DIP2A: variants seen among roughly 807,000 people sequenced by gnomAD.
DIP2A encodes DIP2 acetate--CoA ligase A, also known as disco-interacting protein 2 homolog A.
DIP2A carries 85 observed loss-of-function variants against 177.4 expected under a neutral mutation model. The observed-to-expected ratio is 0.48, with a 90% confidence interval of 0.40 to 0.57. The LOEUF is 0.57. DIP2A is among the 20% of genes least tolerant of loss of function. The pLI is 0.00. For missense variants in DIP2A, 1,791 were observed against 2,100.2 expected, an observed-to-expected ratio of 0.85 and a Z score of 2.88; for synonymous variants, 886 against 881.8, an observed-to-expected ratio of 1.00 and a Z score of -0.08.
At position 46,538,581 on chromosome 21, in the gene DIP2A, G is replaced by T. The variant is rs1381668444; in HGVS notation, c.1900G>T (p.Val634Leu). The T allele has an allele frequency of 1.3e-6, 2 of 1,556,094 alleles. No individual in the cohort carries two copies. The highest frequency in any genetic ancestry group is 1.7e-6 in the Non-Finnish European group (2 of 1,151,724). The change falls in exon 16 of 38, where the codon GTG (valine) becomes TTG (leucine). Residue 634 changes from valine (V) to leucine (L), a missense_variant. By Grantham distance (32) the Val-to-Leu change is conservative. Transcript: ENST00000417564. ...CCTCAGCTCACTGCGCATGCTGATT[G>T]TGGCCGATGGTGCCAACCCGTGTGA... is the stretch of plus-strand genomic sequence containing the variant. ...VSLSSLRMLI[V>L]ADGANPWSIS...
chr21:46,499,488 G>A (rs2057537376), intron 5 of DIP2A, among the ~76,000 whole-genome samples: 1 of 152,156 alleles, frequency 6.6e-6, no homozygotes, highest in Non-Finnish European at 1.5e-5. Context: ...GTACCTGGCT[G>A]GAATTCTGAG....
chr21:46,518,167 C>T (rs987833104), intron 8 of DIP2A, among the ~76,000 whole-genome samples: 12 of 152,228 alleles, frequency 7.9e-5, no homozygotes, highest in African/African-American at 2.4e-4. Context: ...TGCTGGAATA[C>T]ATGGGCTGTA....
In DIP2A at chr21:46,530,783, G is replaced by A. The variant is rs189329163; in HGVS notation, c.1195-1344G>A. Among the ~76,000 whole-genome samples, 9 of 152,226 alleles carry A rather than the reference G, an allele frequency of 5.9e-5. No individual in the cohort carries two copies. In the East Asian group the frequency reaches 1.2e-3, roughly 20 times the overall value. The stretch of plus-strand genomic sequence containing the variant: ...GCATGCCCATAATATTGCATAATAC[G>A]AGGGGTACAGAAAAGAATCCCAGAG... On this transcript the variant is annotated intron_variant, in intron 9 of 37. Transcript: ENST00000417564.
intron 20 of DIP2A, 131 bp downstream of exon 20, chr21:46,546,092 T>C: frequency 6.6e-7 from 1 of 1,515,616 alleles, no homozygotes; most frequent in Non-Finnish European, 8.9e-7. Flanking sequence ...TCGGTGGCGC[T>C]GACCTCCCTG....
intron 28 of DIP2A, 99 bp from the exon 29 acceptor site, chr21:46,555,883 C>G: frequency 1.1e-6 from 1 of 915,270 alleles, no homozygotes; most frequent in Non-Finnish European, 1.8e-6. Flanking sequence ...CTGCAGGACT[C>G]CCAAGGACAA....
intron 21 of DIP2A, among the ~76,000 whole-genome samples, chr21:46,547,870 A>G (rs1340145929): frequency 6.6e-6 from 1 of 151,714 alleles, no homozygotes; most frequent in East Asian, 1.9e-4. Flanking sequence ...GGGTCTCACT[A>G]TGTTGCTCAA....
chr21:46,529,071 A>T, intron 8 of DIP2A, 21 bp from the exon 9 acceptor site: 1 of 1,389,322 alleles, frequency 7.2e-7, no homozygotes, highest in Non-Finnish European at 9.7e-7. Context: ...TACATTGCTT[A>T]GTATTTTTAT....
intron 1 of DIP2A, chr21:46,462,864 AT>A (rs2054442908): frequency 6.6e-6 from 1 of 152,216 alleles, no homozygotes; most frequent in Non-Finnish European, 1.5e-5. Context: ...ACCTGGCCTT[AT>A]TCTCCAGCAT....
intron 1 of DIP2A, among the ~76,000 whole-genome samples, chr21:46,477,529 A>AT (rs1482809937): frequency 2.2e-5 from 2 of 88,996 alleles, no homozygotes; most frequent in African/African-American, 6.1e-5. Flanking sequence ...TCCGCCTAAA[A>AT]TAAAAAAAAA....
rs1245573079 is a variant in DIP2A at position 46,558,970 on chromosome 21, G to A, written c.3969+577G>A. 7.0e-5 allele frequency: 11 copies of A among 156,762 alleles called. 1 individual carries two copies. Among genetic ancestry groups the A allele is most frequent in the South Asian group, 3.8e-4 (2 of 5,298 alleles). The allele number at this position is 156,762 out of a possible 1,614,324, so 9.7% of individuals were successfully genotyped here. On this transcript the variant is annotated intron_variant, in intron 32 of 37. Coordinates refer to ENST00000417564, the MANE Select transcript of DIP2A (RefSeq NM_015151.4). ...AAAAATTAGCTGGCTGGTGGTGCGC[G>A]CCTGTTGTCCCGGCTACTTGGGAGG...
In DIP2A at chr21:46,533,937, G is replaced by A. The variant is rs2059452613; in HGVS notation, c.1430-67G>A. 5 of 1,366,006 alleles carry A rather than the reference G, an allele frequency of 3.7e-6. No individual in the cohort carries two copies. In the South Asian group the frequency reaches 6.1e-5, roughly 17 times the overall value. The allele number at this position is 1,366,006 out of a possible 1,614,324, so 84.6% of individuals were successfully genotyped here. A position where few individuals can be genotyped will look rare whatever the true frequency, so the allele number is the denominator to read the frequency against. On this transcript the variant is annotated intron_variant, in intron 11 of 37. Coordinates refer to ENST00000417564, the MANE Select transcript of DIP2A (RefSeq NM_015151.4). ...GCTAGTGCTGCATGTTGGAGGCGCAGGCTTCGAGTGTGGGGAGCAGATGCC... is the reference window on the plus strand; with the variant it reads ...GCTAGTGCTGCATGTTGGAGGCGCAAGCTTCGAGTGTGGGGAGCAGATGCC...
chr21:46,481,786 C>G (rs1449571685), intron 1 of DIP2A, among the ~76,000 whole-genome samples: 1 of 152,200 alleles, frequency 6.6e-6, no homozygotes, highest in African/African-American at 2.4e-5. Context: ...TGCAGTGGCT[C>G]ACACCTGTAA....
intron 2 of DIP2A, among the ~76,000 whole-genome samples, chr21:46,487,722 C>T (rs1282637549): frequency 6.6e-6 from 1 of 152,090 alleles, no homozygotes; most frequent in East Asian, 1.9e-4. Context: ...ATAATGAAAA[C>T]AAACTGTCAA....
At position 46,558,406 on chromosome 21, in the gene DIP2A, G is replaced by GA. The variant is rs1229453525; in HGVS notation, c.3969+13_3969+14insA. The stretch of plus-strand genomic sequence containing the variant: ...CATCTGCCTCCAGGTGAGGTGCCTG[G>GA]GGCTGCGGTTCTCGAAAGCTGGCTG... On this transcript the variant is annotated intron_variant, in intron 32 of 37. Transcript: ENST00000417564. 44 of 1,425,556 alleles carry GA rather than the reference G, an allele frequency of 3.1e-5. No homozygotes were observed. Among genetic ancestry groups the GA allele is most frequent in the Middle Eastern group, 1.7e-4 (1 of 5,740 alleles). 88.3% of individuals were successfully genotyped at this position (1,425,556 alleles called of 1,614,324 possible). A position where few individuals can be genotyped will look rare whatever the true frequency, so the allele number is the denominator to read the frequency against.
intron 3 of DIP2A, among the ~76,000 whole-genome samples, chr21:46,492,160 T>C (rs1425662752): frequency 6.6e-6 from 1 of 152,224 alleles, no homozygotes; most frequent in Non-Finnish European, 1.5e-5. Flanking sequence ...TTTTTTTAGT[T>C]AATTTTAGTG....
rs780831743 is a variant in DIP2A at position 46,554,268 on chromosome 21, C to A, written c.3130C>A (p.His1044Asn). Residue 1044 changes from histidine (H) to asparagine (N), a missense_variant, in exon 26 of 38, where the codon CAT becomes AAT. Coordinates refer to ENST00000417564, the MANE Select transcript of DIP2A (RefSeq NM_015151.4). ...GAAGGGAAGACTGAGTGTTGGGGAC[C>A]ATGTGGCTCTGGTCTACCCACCAGG... is the stretch of plus-strand genomic sequence containing the variant. Reference protein sequence around the residue: ...MEKGRLSVGDHVALVYPPGVD... With the variant: ...MEKGRLSVGDNVALVYPPGVD... 9 of 1,613,788 alleles carry A rather than the reference C, an allele frequency of 5.6e-6. No individual in the cohort carries two copies. The highest frequency in any genetic ancestry group is 7.6e-6 in the Non-Finnish European group (9 of 1,179,840).
chr21:46,536,631 C>T (rs1180956042), intron 13 of DIP2A, among the ~76,000 whole-genome samples: 1 of 152,126 alleles, frequency 6.6e-6, no homozygotes, highest in Non-Finnish European at 1.5e-5. Flanking sequence ...AGGCCGAGTG[C>T]GGTGACTTAC....
chr21:46,540,303 C>T (rs2059760052), intron 17 of DIP2A, among the ~76,000 whole-genome samples: 1 of 152,212 alleles, frequency 6.6e-6, no homozygotes, highest in South Asian at 2.1e-4. Context: ...CTTTCTTACT[C>T]TGAGGCAGGT....
intron 6 of DIP2A, among the ~76,000 whole-genome samples, chr21:46,506,760 C>A: frequency 1.3e-5 from 1 of 76,658 alleles, no homozygotes; most frequent in African/African-American, 4.5e-5. Context: ...TTCTTTCTTT[C>A]TTTCTTTCTT....
Sources: gnomAD v4.1 joint callset for allele counts (sites outside exome capture counted in the v4.1 genomes callset) on GRCh38, gnomAD v4.1.1 for gene constraint, MANE v1.5 for transcripts, NCBI Gene and HGNC (gene_info 2026-07-23, HGNC 2026-07-21) for gene names.